PRDM2: variants seen among roughly 807,000 people sequenced by gnomAD.
The protein encoded by PRDM2 is PR domain zinc finger protein 2.
A neutral mutation model predicts 130.0 loss-of-function variants in PRDM2; 30 were observed. That is an observed-to-expected ratio of 0.23 (90% CI 0.17 to 0.31). The LOEUF is 0.31. PRDM2 is among the 10% of genes least tolerant of loss of function. The pLI is 1.00. For synonymous variants in PRDM2, 871 were observed against 782.4 expected, an observed-to-expected ratio of 1.11 and a Z score of -1.89; for missense variants, 2,011 against 2,108.4, an observed-to-expected ratio of 0.95 and a Z score of 0.90.
At position 13,782,336 on chromosome 1, in the gene PRDM2, G is replaced by A. The variant is rs921980457; in HGVS notation, c.4541G>A (p.Arg1514His). Residue 1514 changes from arginine to histidine, a missense_variant, in exon 8 of 10, where the codon CGC becomes CAC. Physicochemically the swap from Arg to His is conservative, Grantham distance 29. Coordinates refer to ENST00000311066, the MANE Select transcript of PRDM2 (RefSeq NM_001393986.1). ...GACAAAAACAGTAACAGCAACCACC[G>A]CAGACGGACAGCGGATGCGGAGATT... ...SSDKNSNSNHRRRTADAEIKM... is the reference protein window; with the variant it reads ...SSDKNSNSNHHRRTADAEIKM... 12 of 1,613,866 alleles carry A rather than the reference G, an allele frequency of 7.4e-6. No individual in the cohort carries two copies. Among genetic ancestry groups the A allele is most frequent in the Admixed American group, 6.7e-5 (4 of 59,986 alleles).
At chr1:13,787,474 G>T in intron 8 of PRDM2, 1 of 985,138 alleles carries the variant, frequency 1.0e-6, no homozygotes, top group Non-Finnish European at 1.2e-6. Context: ...ACTGTTTTTT[G>T]TTCTCAACTT....
chr1:13,821,057 G>A (rs1429860786), intron 9 of PRDM2, among the ~76,000 whole-genome samples: 1 of 152,088 alleles, frequency 6.6e-6, no homozygotes, highest in Non-Finnish European at 1.5e-5. Flanking sequence ...ACATTTCAGG[G>A]AATTGAAATG....
rs545741999 is a variant in PRDM2, at chr1:13,821,523, C to T, written c.*24-1636C>T. 2.4e-4 allele frequency among the ~76,000 whole-genome samples: 37 copies of T among 151,756 alleles called. No homozygotes were observed. The East Asian group carries it at 3.7e-3, about 15-fold the overall frequency. ...TGTCGCCCAGGCTGGAGTGCAGTGG[C>T]GCAATCTCAGGTCGCTGCAACCTCT... On this transcript the variant is annotated intron_variant, in intron 9 of 9. Transcript: ENST00000311066.
intron 3 of PRDM2, among the ~76,000 whole-genome samples, chr1:13,731,424 C>T (rs1569781962): frequency 3.3e-5 from 5 of 152,284 alleles, no homozygotes; most frequent in African/African-American, 7.2e-5. Flanking sequence ...CCCCACAGAA[C>T]GTGTTGTTCC....
intron 8 of PRDM2, among the ~76,000 whole-genome samples, chr1:13,812,627 G>A (rs1488220749): frequency 1.3e-5 from 2 of 152,120 alleles, no homozygotes; most frequent in Non-Finnish European, 2.9e-5. Context: ...CCAAGTGGAG[G>A]GGCCCGGCAG....
At chr1:13,722,597 G>C (rs1642766535) in intron 2 of PRDM2, among the ~76,000 whole-genome samples, 1 of 152,124 alleles carries the variant, frequency 6.6e-6, no homozygotes, top group South Asian at 2.1e-4. Context: ...GATGAAGATA[G>C]TTTGAGAAGT....
At position 13,806,002 on chromosome 1, in the gene PRDM2, T is replaced by C. The variant is rs982348569; in HGVS notation, c.5037-10425T>C. ...CTGGGTTCCTGCCTCCAGTGTCTCT[T>C]CTCCCCTTCTCTCTTGAACTCACTT... On this transcript the variant is annotated intron_variant, in intron 8 of 9. Coordinates refer to ENST00000311066, the MANE Select transcript of PRDM2 (RefSeq NM_001393986.1). The surrounding 1 kb of genome is among the most constrained non-coding windows in gnomAD (Gnocchi z 4.1). Among the ~76,000 whole-genome samples the C allele has an allele frequency of 2.0e-5, 3 of 152,230 alleles. No individual in the cohort carries two copies. The highest frequency in any genetic ancestry group is 2.0e-4 in the Admixed American group (3 of 15,292).
intron 2 of PRDM2, among the ~76,000 whole-genome samples, chr1:13,721,759 C>T (rs940398607): frequency 2.6e-5 from 4 of 152,146 alleles, no homozygotes; most frequent in East Asian, 1.9e-4. Flanking sequence ...AGTAACACTT[C>T]GGCAGAGAAA....
At chr1:13,765,745 G>A (rs1489846089) in intron 6 of PRDM2, among the ~76,000 whole-genome samples, 2 of 152,168 alleles carry the variant, frequency 1.3e-5, no homozygotes, top group South Asian at 2.1e-4. Context: ...GATTACAGGC[G>A]TGAGCCACCG....
intron 1 of PRDM2, among the ~76,000 whole-genome samples, chr1:13,711,518 A>G (rs924063192): frequency 2.0e-5 from 3 of 152,220 alleles, no homozygotes; most frequent in African/African-American, 7.2e-5. Context: ...GCTCAAAGCA[A>G]TGTTAAGTGC....
chr1:13,716,933 T>C (rs1642560245), intron 2 of PRDM2, among the ~76,000 whole-genome samples: 1 of 147,176 alleles, frequency 6.8e-6, no homozygotes, highest in Admixed American at 7.0e-5. Flanking sequence ...ACTGAAACTT[T>C]AGACACCTTT....
At position 13,752,607 on chromosome 1, in the gene PRDM2, A is replaced by C. The variant is rs560275228; in HGVS notation, c.511+3120A>C. ...AAATTGAATTTGCTTGTTAGCAGTA[A>C]GCAATGACTGTTGGCAAATGCTCTT... On this transcript the variant is annotated intron_variant, in intron 6 of 9. Coordinates refer to ENST00000311066, the MANE Select transcript of PRDM2 (RefSeq NM_001393986.1). 4.8e-4 allele frequency among the ~76,000 whole-genome samples: 73 copies of C among 152,338 alleles called. No homozygotes were observed. In the South Asian group the frequency reaches 0.014, roughly 29 times the overall value.
intron 6 of PRDM2, among the ~76,000 whole-genome samples, chr1:13,761,909 A>G (rs760108947): frequency 6.6e-6 from 1 of 152,216 alleles, no homozygotes; most frequent in Non-Finnish European, 1.5e-5. Context: ...GTACATTTTT[A>G]TAATAATATC....
chr1:13,710,486 A>G (rs1642335584), intron 1 of PRDM2, among the ~76,000 whole-genome samples: 1 of 152,246 alleles, frequency 6.6e-6, no homozygotes, highest in African/African-American at 2.4e-5. Context: ...CTTGAAAGCA[A>G]TATCTTGAAA....
chr1:13,758,923 G>A (rs941512478), intron 6 of PRDM2, among the ~76,000 whole-genome samples: 5 of 152,032 alleles, frequency 3.3e-5, no homozygotes, highest in Non-Finnish European at 7.4e-5. Flanking sequence ...TGTGTGTGTG[G>A]TATATAAAAA....
chr1:13,744,927 C>T (rs927052915), intron 5 of PRDM2, among the ~76,000 whole-genome samples: 1 of 152,200 alleles, frequency 6.6e-6, no homozygotes, highest in African/African-American at 2.4e-5. Context: ...TCTGTATCTT[C>T]TCAACTTATT....
chr1:13,767,859 C>G (rs553039820), intron 6 of PRDM2, among the ~76,000 whole-genome samples: 17 of 152,120 alleles, frequency 1.1e-4, no homozygotes, highest in African/African-American at 3.9e-4. Context: ...CCTGTAGTTT[C>G]AGCTACATAG....
At chr1:13,776,410 C>T (rs745825230) in intron 7 of PRDM2, among the ~76,000 whole-genome samples, 6 of 152,156 alleles carry the variant, frequency 3.9e-5, no homozygotes, top group Non-Finnish European at 7.3e-5. Context: ...GTGGGACTGT[C>T]GCGACAGCAG....
chr1:13,732,142 C>T (rs771860234), intron 3 of PRDM2, among the ~76,000 whole-genome samples: 2 of 152,090 alleles, frequency 1.3e-5, no homozygotes, highest in African/African-American at 2.4e-5. Context: ...TATCGCTTTC[C>T]GTTATGGTCA....
Sources: allele counts gnomAD v4.1 joint callset (sites outside exome capture counted in the v4.1 genomes callset), GRCh38; gene constraint gnomAD v4.1.1; non-coding constraint Gnocchi (gnomAD v3.1); transcripts MANE v1.5; gene names NCBI Gene and HGNC (gene_info 2026-07-23, HGNC 2026-07-21).